The following ATM variants were observed in gnomAD, a reference collection of about 807,000 sequenced individuals.
The protein encoded by ATM is serine-protein kinase ATM.
ATM carries 308 observed loss-of-function variants against 387.0 expected under a neutral mutation model. The ratio of observed to expected loss-of-function variants is 0.80; its 90% CI spans 0.73 to 0.87. ATM has a LOEUF of 0.87. ATM is among the 40% of genes least tolerant of loss of function. The pLI is 0.00. For missense variants in ATM, 3,312 were observed against 3,560.9 expected, an observed-to-expected ratio of 0.93 and a Z score of 1.78; for synonymous variants, 1,156 against 1,187.3, an observed-to-expected ratio of 0.97 and a Z score of 0.54.
intron 3 of ATM, 56 bp downstream of exon 3, chr11:108,227,944 T>C: frequency 7.1e-7 from 1 of 1,410,788 alleles, no homozygotes; most frequent in Non-Finnish European, 1.0e-6. Context: ...TATTTATTTC[T>C]GTTGTGATAT....
chr11:108,292,707 T>TAGTA lies in ATM; in HGVS notation c.4525_4526insAGTA (p.Cys1509Ter), dbSNP rs1480750088. 2 of 1,614,032 alleles carry TAGTA rather than the reference T, an allele frequency of 1.2e-6. No individual in the cohort carries two copies. The highest frequency in any genetic ancestry group is 1.7e-6 in the Non-Finnish European group (2 of 1,179,962). On this transcript the variant is annotated stop_gained and frameshift_variant, in exon 30 of 63. Coordinates refer to ENST00000675843, the MANE Select transcript of ATM (RefSeq NM_000051.4). LOFTEE classifies it high-confidence loss of function. ...GGTTTGCCAGACAGCCGTGACTTAC[T>TAGTA]GTAAGGATGCTCTAGAAAACCATCT...
In ATM at chr11:108,333,880, A is replaced by T. The variant is rs373509918; in HGVS notation, c.7928-6A>T. 1 of 1,596,706 alleles carries T rather than the reference A, an allele frequency of 6.3e-7. No homozygotes were observed. Among genetic ancestry groups the T allele is most frequent in the African/African-American group, 1.3e-5 (1 of 74,516 alleles). On this transcript the variant is annotated splice_region_variant and splice_polypyrimidine_tract_variant and intron_variant, in intron 53 of 62. Transcript: ENST00000675843. ...GTCACTAAAATCTCTTCATTTTTAA[A>T]TACAGAAGGCATAAATATTCCAGCA...
At position 108,266,052 on chromosome 11, in the gene ATM, C is replaced by G. The variant is rs970655342; in HGVS notation, c.2467-1119C>G. ...CTGTTGGTGGGACTGTAAACTAGTTCAACCATTGTGGAAGTCAGTGTGGTG... is the reference window on the plus strand; with the variant it reads ...CTGTTGGTGGGACTGTAAACTAGTTGAACCATTGTGGAAGTCAGTGTGGTG... On this transcript the variant is annotated intron_variant, in intron 16 of 62. Transcript: ENST00000675843. 3.8e-3 allele frequency among the ~76,000 whole-genome samples: 581 copies of G among 152,064 alleles called. 3 individuals are homozygous for G. Among genetic ancestry groups the G allele is most frequent in the Non-Finnish European group, 6.5e-3 (444 of 67,990 alleles).
intron 42 of ATM, among the ~76,000 whole-genome samples, chr11:108,316,898 C>G (rs1427940681): frequency 6.6e-6 from 1 of 151,820 alleles, no homozygotes; most frequent in East Asian, 1.9e-4. Context: ...TGCACTCCAG[C>G]CTGGGCAATA....
chr11:108,278,618 G>A (rs1285614290), intron 22 of ATM, among the ~76,000 whole-genome samples: 1 of 152,178 alleles, frequency 6.6e-6, no homozygotes, highest in African/African-American at 2.4e-5. Flanking sequence ...CATGGCAGAA[G>A]GCAAAGAGGA....
At chr11:108,314,248 T>G (rs1385916699) in intron 40 of ATM, among the ~76,000 whole-genome samples, 1 of 152,084 alleles carries the variant, frequency 6.6e-6, no homozygotes, top group African/African-American at 2.4e-5. Context: ...CACAAGTAGC[T>G]GGGACTACAG....
At chr11:108,337,688 TC>T (rs1208853670) in intron 56 of ATM, among the ~76,000 whole-genome samples, 1 of 152,210 alleles carries the variant, frequency 6.6e-6, no homozygotes, top group Non-Finnish European at 1.5e-5. Context: ...CTATTAGCTA[TC>T]TCCTATCTGA....
In ATM at chr11:108,317,418, A is replaced by G. The variant is rs1239942908; in HGVS notation, c.6244A>G (p.Lys2082Glu). 1.2e-6 allele frequency: 2 copies of G among 1,612,438 alleles called. No homozygotes were observed. Among genetic ancestry groups the G allele is most frequent in the Admixed American group, 3.3e-5 (2 of 59,880 alleles). Residue 2082 changes from lysine (K) to glutamate (E), a missense_variant, in exon 43 of 63, where the codon AAA becomes GAA. Physicochemically the swap from Lys to Glu is moderately conservative, Grantham distance 56 (BLOSUM62 1). Transcript: ENST00000675843. ...CTGCCATATTCTTTCCGTCTATTTA[A>G]AAGGATTGGATTATGAAAATAAAGA... ...GLCHILSVYL[K>E]GLDYENKDWC... is the part of the protein sequence containing the mutation.
chr11:108,287,811 G>A, intron 27 of ATM, 96 bp downstream of exon 27: 1 of 864,936 alleles, frequency 1.2e-6, no homozygotes, highest in Middle Eastern at 2.3e-4. Flanking sequence ...TCAATTTATA[G>A]ACATCACTCT....
intron 59 of ATM, among the ~76,000 whole-genome samples, chr11:108,352,687 C>T (rs772194312): frequency 6.6e-6 from 1 of 152,192 alleles, no homozygotes; most frequent in Non-Finnish European, 1.5e-5. Context: ...AATGCTTAAA[C>T]AAACTGTGTT....
chr11:108,254,149 T>C, intron 13 of ATM, 110 bp downstream of exon 13: 1 of 1,038,852 alleles, frequency 9.6e-7, no homozygotes, highest in South Asian at 1.4e-5. Context: ...GGAGGCTTCA[T>C]TTTAAAAGCA....
At chr11:108,319,925 T>A (rs771588132) in intron 43 of ATM, 29 bp from the exon 44 acceptor site, 1 of 1,493,140 alleles carries the variant, frequency 6.7e-7, no homozygotes, top group Non-Finnish European at 9.3e-7. Flanking sequence ...TGTTTTTAAG[T>A]ATATTTTTTT....
chr11:108,339,373 A>C (rs1366370644), intron 56 of ATM, among the ~76,000 whole-genome samples: 1 of 152,192 alleles, frequency 6.6e-6, no homozygotes, highest in Non-Finnish European at 1.5e-5. Context: ...TGCATATTTC[A>C]GAGCATCTAT....
At chr11:108,272,192 T>C (rs181341797) in intron 20 of ATM, among the ~76,000 whole-genome samples, 15 of 152,132 alleles carry the variant, frequency 9.9e-5, no homozygotes, top group African/African-American at 3.4e-4. Flanking sequence ...GGTTTTGAAA[T>C]CTTCAATATA....
rs2136222623 is a variant in ATM at position 108,320,055 on chromosome 11, C to A, written c.6449C>A (p.Ala2150Asp). 1 of 1,582,158 alleles carries A rather than the reference C, an allele frequency of 6.3e-7. No individual in the cohort carries two copies. Among genetic ancestry groups the A allele is most frequent in the Non-Finnish European group, 8.7e-7 (1 of 1,151,138 alleles). ...ACATTTTATGAAAGTCTCAAATATG[C>A]CAGGTATTATGAAAAGACAAAGTTA... ...FSTFYESLKY[A>D]RVKEVEEMCK... Residue 2150 changes from alanine to aspartate, a missense_variant, in exon 44 of 63, where the codon GCC (alanine) becomes GAC (aspartate). Coordinates refer to ENST00000675843, the MANE Select transcript of ATM (RefSeq NM_000051.4).
At chr11:108,294,782 T>G (rs2083024853) in intron 31 of ATM, 145 bp from the exon 32 acceptor site, 2 of 838,604 alleles carry the variant, frequency 2.4e-6, no homozygotes, top group Non-Finnish European at 3.8e-6. Flanking sequence ...GTGGAAGAAA[T>G]CATTTATTTC....
In ATM at chr11:108,274,855, G is replaced by A. The variant is rs1237871990; in HGVS notation, c.3284+2003G>A. ...ATGTATATTACTCTGTTGATTTGGG[G>A]TGGAGAGTTCTGTAGATGTCTGTTA... On this transcript the variant is annotated intron_variant, in intron 22 of 62. Coordinates refer to ENST00000675843, the MANE Select transcript of ATM (RefSeq NM_000051.4). 5.3e-5 allele frequency among the ~76,000 whole-genome samples: 8 copies of A among 152,276 alleles called. No individual in the cohort carries two copies. The East Asian group carries it at 1.2e-3, about 22-fold the overall frequency.
intron 61 of ATM, among the ~76,000 whole-genome samples, chr11:108,363,072 C>G (rs1198027736): frequency 6.6e-6 from 1 of 152,162 alleles, no homozygotes; most frequent in African/African-American, 2.4e-5. Flanking sequence ...CCGAATTTCC[C>G]CAAATCATTT....
Position 108,258,887 on chromosome 11 carries a change from A to T in ATM, c.2377-99A>T. The T allele has an allele frequency of 4.2e-6, 4 of 943,578 alleles. No individual in the cohort carries two copies. In the South Asian group the frequency reaches 5.5e-5, roughly 13 times the overall value. 58.5% of individuals were successfully genotyped at this position (943,578 alleles called of 1,614,324 possible). A position where few individuals can be genotyped will look rare whatever the true frequency, so the allele number is the denominator to read the frequency against. ...TATATATTGGCCCTAATAGTAAACT[A>T]TTTATCTACATTCCATTCAAGATAG... On this transcript the variant is annotated intron_variant, in intron 15 of 62. Transcript: ENST00000675843.
Sources: allele counts gnomAD v4.1 joint callset (sites outside exome capture counted in the v4.1 genomes callset), GRCh38; gene constraint gnomAD v4.1.1; transcripts MANE v1.5; gene names NCBI Gene and HGNC (gene_info 2026-07-23, HGNC 2026-07-21).